Variants in MYH8 observed in about 807,000 individuals in gnomAD.
The protein encoded by MYH8 is myosin-8.
MYH8 carries 168 observed loss-of-function variants against 233.2 expected under a neutral mutation model. That is an observed-to-expected ratio of 0.72 (90% CI 0.64 to 0.82). MYH8 has a LOEUF of 0.82. MYH8 is among the 40% of genes least tolerant of loss of function. The pLI, the probability that MYH8 is intolerant of heterozygous loss-of-function variation, is 0.00. For missense variants in MYH8, 1,995 were observed against 2,327.8 expected, an observed-to-expected ratio of 0.86 and a Z score of 2.94; for synonymous variants, 785 against 850.6, an observed-to-expected ratio of 0.92 and a Z score of 1.34.
intron 5 of MYH8, among the ~76,000 whole-genome samples, chr17:10,416,557 A>G (rs1198030190): frequency 6.6e-6 from 1 of 152,226 alleles, no homozygotes; most frequent in Non-Finnish European, 1.5e-5. Context: ...TGATCATTTT[A>G]CATGATCACT....
intron 21 of MYH8, among the ~76,000 whole-genome samples, chr17:10,405,078 C>T (rs2072180670): frequency 6.6e-6 from 1 of 152,170 alleles, no homozygotes; most frequent in Admixed American, 6.6e-5. Flanking sequence ...TTTGTCATCT[C>T]TTCCTTGAAG....
chr17:10,413,324 A>G (rs1045919038), intron 12 of MYH8, among the ~76,000 whole-genome samples: 1 of 152,220 alleles, frequency 6.6e-6, no homozygotes, highest in African/African-American at 2.4e-5. Flanking sequence ...GTGGTCAGGA[A>G]AGGCTTTAAG....
Position 10,409,371 on chromosome 17 carries a change from T to C in MYH8, c.1805A>G (p.Asp602Gly). The change falls in exon 16 of 40, where the codon GAC becomes GGC. Residue 602 changes from aspartate to glycine, a missense_variant. Transcript: ENST00000403437. ...NITGWLDKNK[D>G]PLNDTVVGLY... ...CCCAACCACAGTATCATTCAGGGGGTCCTTATTTTTGTCCAGCCAGCCAGT... is the reference window on the plus strand; with the variant it reads ...CCCAACCACAGTATCATTCAGGGGGCCCTTATTTTTGTCCAGCCAGCCAGT... 6.2e-7 allele frequency: 1 copy of C among 1,613,952 alleles called. No homozygotes were observed. Among genetic ancestry groups the C allele is most frequent in the Non-Finnish European group, 8.5e-7 (1 of 1,180,010 alleles).
chr17:10,401,403 T>G lies in MYH8; in HGVS notation c.2980A>C (p.Lys994Gln). 1 of 1,613,998 alleles carries G rather than the reference T, an allele frequency of 6.2e-7. No individual in the cohort carries two copies. The highest frequency in any genetic ancestry group is 8.5e-7 in the Non-Finnish European group (1 of 1,180,004). The change falls in exon 24 of 40, where the codon AAA (lysine) becomes CAA (glutamine). Residue 994 changes from lysine (K) to glutamine (Q), a missense_variant. This residue lies in a region of MYH8 where 1,498 missense variants were observed against 1,680.9 expected (regional missense o/e 0.89). Transcript: ENST00000403437. ...AGAGCCTTCTTCTCCTTGGACAGTT[T>G]TGCAATGGTTTCATCCAGGCCTGCC... ...EMAGLDETIA[K>Q]LSKEKKALQE...
chr17:10,392,672 AGTCAGTCTTGG>A (rs1365758931), intron 37 of MYH8, 26 bp from the exon 38 acceptor site: 1 of 1,613,190 alleles, frequency 6.2e-7, no homozygotes, highest in African/African-American at 1.3e-5. Flanking sequence ...ATACTTACGC[AGTCAGTCTTGG>A]GGGATATTAA....
In MYH8 at chr17:10,406,749, GC is replaced by G; in HGVS notation, c.2111del (p.Gly704AlafsTer25). ...HQLRCNGVLE[G>X]IRICRKGFPS... ...GGAATCCTTTCCTACAGATGCGGAT[GC>G]CTTCCAGCACACCATTACACCTCAG... On this transcript the variant is annotated frameshift_variant, in exon 19 of 40. Transcript: ENST00000403437. LOFTEE classifies it high-confidence loss of function. The G allele has an allele frequency of 6.2e-7, 1 of 1,614,154 alleles. No homozygotes were observed. Among genetic ancestry groups the G allele is most frequent in the Non-Finnish European group, 8.5e-7 (1 of 1,180,022 alleles).
Position 10,401,150 on chromosome 17 carries a change from ATCCATTC to A in MYH8, c.3143_3149del (p.Arg1048LeufsTer2), listed in dbSNP as rs760673164. 1 of 1,613,896 alleles carries A rather than the reference ATCCATTC, an allele frequency of 6.2e-7. No individual in the cohort carries two copies. The highest frequency in any genetic ancestry group is 1.7e-5 in the Admixed American group (1 of 59,988). On this transcript the variant is annotated frameshift_variant, in exon 25 of 40. Transcript: ENST00000403437. LOFTEE classifies it high-confidence loss of function. ...CCAGTTTCCGCTTTGCTCTTTCTAG[ATCCATTC>A]GAAGCTTCTTTTCTTGTTCCAGAGA...
chr17:10,390,329 T>C lies in MYH8; in HGVS notation c.*125A>G. 6 of 1,272,890 alleles carry C rather than the reference T, an allele frequency of 4.7e-6. No homozygotes were observed. Among genetic ancestry groups the C allele is most frequent in the Non-Finnish European group, 6.8e-6 (6 of 876,596 alleles). The allele number at this position is 1,272,890 out of a possible 1,614,324, so 78.8% of individuals were successfully genotyped here. On this transcript the variant is annotated 3_prime_UTR_variant, in exon 40 of 40. Transcript: ENST00000403437. The stretch of plus-strand genomic sequence containing the variant: ...GAAAAAATGAAAGTCCGGTTTAATG[T>C]ATACATTTACTGTAGTTTTTATTTA...
Position 10,404,447 on chromosome 17 carries a change from T to TTCC in MYH8, c.2568_2570dup (p.Glu858dup), listed in dbSNP as rs1331961560. 1 of 1,613,928 alleles carries TTCC rather than the reference T, an allele frequency of 6.2e-7. No homozygotes were observed. The highest frequency in any genetic ancestry group is 8.5e-7 in the Non-Finnish European group (1 of 1,179,968). On this transcript the variant is annotated inframe_insertion, in exon 22 of 40. Coordinates refer to ENST00000403437, the MANE Select transcript of MYH8 (RefSeq NM_002472.3). ...GTTCATCTTTGGTTTTCTGGAATTC[T>TTCC]TCCTTCATGGTGGCCATCTCTTTCT...
At chr17:10,390,630 A>C (rs763035436) in intron 39 of MYH8, 27 bp from the exon 40 acceptor site, 2 of 1,612,164 alleles carry the variant, frequency 1.2e-6, no homozygotes, top group Non-Finnish European at 8.5e-7. Context: ...AATTGTGAGA[A>C]TTAGACTGTG....
In MYH8 at chr17:10,392,905, G is replaced by T. The variant is rs1472481825; in HGVS notation, c.5389C>A (p.Gln1797Lys). 6.2e-7 allele frequency: 1 copy of T among 1,614,072 alleles called. No homozygotes were observed. Among genetic ancestry groups the T allele is most frequent in the African/African-American group, 1.3e-5 (1 of 74,924 alleles). Residue 1797 changes from glutamine (Q) to lysine (K), a missense_variant, in exon 37 of 40, where the codon CAG becomes AAG. By Grantham distance (53) the Gln-to-Lys change is moderately conservative. Coordinates refer to ENST00000403437, the MANE Select transcript of MYH8 (RefSeq NM_002472.3). ...KNLEQTVKDL[Q>K]HRLDEAEQLA... The stretch of plus-strand genomic sequence containing the variant: ...TGCTCGGCCTCATCTAGACGATGCT[G>T]CAGGTCCTTCACCGTCTGCTCCAGG...
At chr17:10,401,916 A>G in intron 22 of MYH8, 131 bp from the exon 23 acceptor site, 1 of 1,279,818 alleles carries the variant, frequency 7.8e-7, no homozygotes, top group East Asian at 2.3e-5. Flanking sequence ...ATTTAATTTA[A>G]TCGAACATTA....
At chr17:10,404,789 G>C (rs1389697800) in intron 21 of MYH8, among the ~76,000 whole-genome samples, 1 of 151,804 alleles carries the variant, frequency 6.6e-6, no homozygotes, top group African/African-American at 2.4e-5. Context: ...ATGGTCAGTA[G>C]CCCTCAGTAT....
chr17:10,418,534 C>T, intron 5 of MYH8, 111 bp downstream of exon 5: 1 of 1,593,746 alleles, frequency 6.3e-7, no homozygotes, highest in Non-Finnish European at 8.6e-7. Flanking sequence ...ACAGTGAAGC[C>T]CCATGTGGCT....
At chr17:10,399,347 T>A (rs1228401489) in intron 28 of MYH8, among the ~76,000 whole-genome samples, 196 bp downstream of exon 28, 1 of 152,154 alleles carries the variant, frequency 6.6e-6, no homozygotes, top group Admixed American at 6.5e-5. Context: ...ACCGGAGATT[T>A]AAAAGCAGCA....
In MYH8 at chr17:10,393,991, CTTTTTTTTTTTTTTTTTT is replaced by C. The variant is rs35512526; in HGVS notation, c.5166+240_5166+257del. On this transcript the variant is annotated intron_variant, in intron 35 of 39. Transcript: ENST00000403437. ...TTATTTTTAAATAAAAAAGTAATAG[CTTTTTTTTTTTTTTTTTT>C]TTTTTTTTTTTGGTGAGGGGTAGAA... 8.3e-5 allele frequency among the ~76,000 whole-genome samples: 3 copies of C among 35,992 alleles called. No individual in the cohort carries two copies. The Admixed American group carries it at 1.6e-3, about 19-fold the overall frequency. The allele number at this position is 35,992 out of a possible 152,430, so 23.6% of individuals were successfully genotyped here. A position where few individuals can be genotyped will look rare whatever the true frequency, so the allele number is the denominator to read the frequency against.
chr17:10,395,090 A>G, intron 34 of MYH8, 43 bp downstream of exon 34: 1 of 1,607,584 alleles, frequency 6.2e-7, no homozygotes, highest in South Asian at 1.1e-5. Context: ...GAAGACAGGT[A>G]CTTTCCCTGC....
chr17:10,405,886 T>C (rs2072187773), intron 21 of MYH8, among the ~76,000 whole-genome samples, 155 bp downstream of exon 21: 1 of 152,212 alleles, frequency 6.6e-6, no homozygotes, highest in Non-Finnish European at 1.5e-5. Context: ...AATCCAAGTG[T>C]GAGAGCTGAA....
At chr17:10,414,162 G>A in intron 11 of MYH8, 30 bp downstream of exon 11, 1 of 1,609,882 alleles carries the variant, frequency 6.2e-7, no homozygotes, top group African/African-American at 1.3e-5. Flanking sequence ...CATACATAAT[G>A]GATTTTTAAA....
Sources: allele counts gnomAD v4.1 joint callset (sites outside exome capture counted in the v4.1 genomes callset), GRCh38; gene constraint gnomAD v4.1.1; regional missense constraint gnomAD v4.1.1; transcripts MANE v1.5; gene names NCBI Gene and HGNC (gene_info 2026-07-23, HGNC 2026-07-21).